IQCH: variants seen among roughly 807,000 people sequenced by gnomAD.
The protein encoded by IQCH is IQ motif containing H, also known as IQ domain-containing protein H.
Under a neutral mutation model 117.0 loss-of-function variants are expected in IQCH, and 98 were observed. That is an observed-to-expected ratio of 0.84 (90% CI 0.71 to 0.99). The LOEUF is 0.99. Ranked by LOEUF, IQCH falls within the 50% of genes least tolerant of loss-of-function variation. The pLI, the probability that IQCH is intolerant of heterozygous loss-of-function variation, is 0.00. For missense variants in IQCH, 1,102 were observed against 1,243.8 expected, an observed-to-expected ratio of 0.89 and a Z score of 1.72; for synonymous variants, 412 against 448.2, an observed-to-expected ratio of 0.92 and a Z score of 1.02.
At chr15:67,307,314 C>A in intron 4 of IQCH, 2 of 314,528 alleles carry the variant, frequency 6.4e-6, no homozygotes, top group Non-Finnish European at 9.2e-6. Flanking sequence ...GTGTTTTCCA[C>A]TAACTTAGTT....
At chr15:67,498,180 G>A (rs2083877046) in intron 20 of IQCH, among the ~76,000 whole-genome samples, 1 of 152,174 alleles carries the variant, frequency 6.6e-6, no homozygotes, top group Admixed American at 6.5e-5. Context: ...GCATAAAATT[G>A]AGTCTGAAAT....
Position 67,403,141 on chromosome 15 carries a change from T to G in IQCH, c.2097+2836T>G, listed in dbSNP as rs1015356453. ...GGTGCATGCCTGTAGTACCAGCTAC[T>G]TGGGAGGCTGAGGCAGGAGAATTGC... is the stretch of plus-strand genomic sequence containing the variant. On this transcript the variant is annotated intron_variant, in intron 14 of 20. Transcript: ENST00000335894. This position sits in a 1 kb window ranked among gnomAD's most constrained non-coding sequence, Gnocchi z 4.8. 6.6e-6 allele frequency among the ~76,000 whole-genome samples: 1 copy of G among 152,002 alleles called. No homozygotes were observed. Among genetic ancestry groups the G allele is most frequent in the African/African-American group, 2.4e-5 (1 of 41,382 alleles).
At chr15:67,389,142 A>G (rs1305847838) in intron 12 of IQCH, 136 bp downstream of exon 12, 5 of 674,050 alleles carry the variant, frequency 7.4e-6, no homozygotes, top group African/African-American at 1.8e-5. Context: ...TTAGACTACT[A>G]GTTGGTCTGT....
rs1206677577 is a variant in IQCH at position 67,474,407 on chromosome 15, C to G, written c.2677-1289C>G. ...CTATGCCCTAAGGTTGGCCATGGCC[C>G]TATATGCAGTTCTCCAAATTTCCAG... On this transcript the variant is annotated intron_variant, in intron 17 of 20. Coordinates refer to ENST00000335894, the MANE Select transcript of IQCH (RefSeq NM_001031715.3). The surrounding 1 kb of genome is among the most constrained non-coding windows in gnomAD (Gnocchi z 4.1). Among the ~76,000 whole-genome samples the G allele has an allele frequency of 2.0e-5, 3 of 152,106 alleles. No homozygotes were observed. Among genetic ancestry groups the G allele is most frequent in the African/African-American group, 7.2e-5 (3 of 41,408 alleles).
chr15:67,300,914 A>G (rs1278423197), intron 4 of IQCH, among the ~76,000 whole-genome samples: 1 of 152,216 alleles, frequency 6.6e-6, no homozygotes, highest in Non-Finnish European at 1.5e-5. Flanking sequence ...CACTGATGAG[A>G]TGAAAATTGA....
In IQCH at chr15:67,404,971, G is replaced by A. The variant is rs1971828807; in HGVS notation, c.2097+4666G>A. The A allele has an allele frequency of 6.6e-6, 1 of 152,122 alleles. No individual in the cohort carries two copies. Among genetic ancestry groups the A allele is most frequent in the Non-Finnish European group, 1.5e-5 (1 of 68,014 alleles). The allele number at this position is 152,122 out of a possible 1,614,324, so 9.4% of individuals were successfully genotyped here. A position where few individuals can be genotyped will look rare whatever the true frequency, so the allele number is the denominator to read the frequency against. The stretch of plus-strand genomic sequence containing the variant: ...GATAGTACCAATTTCCAAAGCAACT[G>A]GCAGAGAATAAGAATACTAGTTTTA... On this transcript the variant is annotated intron_variant, in intron 14 of 20. Coordinates refer to ENST00000335894, the MANE Select transcript of IQCH (RefSeq NM_001031715.3). This position sits in a 1 kb window ranked among gnomAD's most constrained non-coding sequence, Gnocchi z 4.6.
In IQCH at chr15:67,433,420, C is replaced by G. The variant is rs2082059830; in HGVS notation, c.2505+11843C>G. ...CTGTCCTTAAATGTTTGGTTAACCC[C>G]CCTTACACTGTAAACCTTCACACTG... On this transcript the variant is annotated intron_variant, in intron 16 of 20. Transcript: ENST00000335894. The surrounding 1 kb of genome is among the most constrained non-coding windows in gnomAD (Gnocchi z 5.4). Among the ~76,000 whole-genome samples the G allele has an allele frequency of 6.6e-6, 1 of 152,130 alleles. No homozygotes were observed. Among genetic ancestry groups the G allele is most frequent in the African/African-American group, 2.4e-5 (1 of 41,420 alleles).
chr15:67,494,456 TC>T lies in IQCH; in HGVS notation c.2970+91del. 1.2e-6 allele frequency: 1 copy of T among 820,196 alleles called. No individual in the cohort carries two copies. The highest frequency in any genetic ancestry group is 1.9e-6 in the Non-Finnish European group (1 of 516,960). 50.8% of individuals were successfully genotyped at this position (820,196 alleles called of 1,614,324 possible). A position where few individuals can be genotyped will look rare whatever the true frequency, so the allele number is the denominator to read the frequency against. The stretch of plus-strand genomic sequence containing the variant: ...TGTATTGTAAACAAGTGCTAAACCA[TC>T]TTTTTTTTATTGTAAGCAGTACATA... On this transcript the variant is annotated intron_variant, in intron 20 of 20. Coordinates refer to ENST00000335894, the MANE Select transcript of IQCH (RefSeq NM_001031715.3). This position sits in a 1 kb window ranked among gnomAD's most constrained non-coding sequence, Gnocchi z 5.5.
rs867341517 is a variant in IQCH, at chr15:67,480,084, G to A, written c.2799+4266G>A. On this transcript the variant is annotated intron_variant, in intron 18 of 20. Transcript: ENST00000335894. ...CATGTTTACTGCCTGCACCAGTGTGGGGCAGGGCTAGTGTCACACATACAT... is the reference window on the plus strand; with the variant it reads ...CATGTTTACTGCCTGCACCAGTGTGAGGCAGGGCTAGTGTCACACATACAT... 4.6e-5 allele frequency among the ~76,000 whole-genome samples: 7 copies of A among 152,298 alleles called. No homozygotes were observed. In the South Asian group the frequency reaches 8.3e-4, roughly 18 times the overall value.
At position 67,279,378 on chromosome 15, in the gene IQCH, C is replaced by T. The variant is rs1392394221; in HGVS notation, c.270-17C>T. ...AAATAGCAAATTTGATTTTAAATTCCATTTCTTCTTACTTAGGTTACTTCC... is the reference window on the plus strand; with the variant it reads ...AAATAGCAAATTTGATTTTAAATTCTATTTCTTCTTACTTAGGTTACTTCC... On this transcript the variant is annotated splice_polypyrimidine_tract_variant and intron_variant, in intron 3 of 20. Coordinates refer to ENST00000335894, the MANE Select transcript of IQCH (RefSeq NM_001031715.3). The T allele has an allele frequency of 3.0e-6, 4 of 1,318,502 alleles. No homozygotes were observed. The highest frequency in any genetic ancestry group is 2.3e-5 in the East Asian group (1 of 42,556). The allele number at this position is 1,318,502 out of a possible 1,614,324, so 81.7% of individuals were successfully genotyped here.
At chr15:67,452,009 G>A (rs1774166472) in intron 16 of IQCH, among the ~76,000 whole-genome samples, 1 of 152,056 alleles carries the variant, frequency 6.6e-6, no homozygotes, top group African/African-American at 2.4e-5. Flanking sequence ...GATCTTTGTT[G>A]GTTTAAAGTC....
intron 16 of IQCH, among the ~76,000 whole-genome samples, chr15:67,428,535 A>G (rs911999136): frequency 2.6e-5 from 4 of 152,098 alleles, no homozygotes; most frequent in African/African-American, 7.2e-5. Context: ...GGTGGCCCCA[A>G]TATAATCACC....
chr15:67,429,670 G>A (rs2140939075), intron 16 of IQCH, among the ~76,000 whole-genome samples: 1 of 152,324 alleles, frequency 6.6e-6, no homozygotes, highest in South Asian at 2.1e-4. Context: ...AATAAGACAT[G>A]GGAAACAGAA....
chr15:67,354,809 T>C (rs1392248347), intron 6 of IQCH, among the ~76,000 whole-genome samples: 2 of 152,222 alleles, frequency 1.3e-5, no homozygotes, highest in African/African-American at 2.4e-5. Flanking sequence ...TGGTGTTCTT[T>C]CTACTTTACC....
chr15:67,357,147 G>C (rs1262298815), intron 6 of IQCH, among the ~76,000 whole-genome samples, 198 bp from the exon 7 acceptor site: 1 of 152,168 alleles, frequency 6.6e-6, no homozygotes, highest in African/African-American at 2.4e-5. Flanking sequence ...TAATAGAACT[G>C]TTGCCCTCTC....
rs1191834380 is a variant in IQCH at position 67,384,947 on chromosome 15, C to T, written c.1384C>T (p.Pro462Ser). 5.0e-6 allele frequency: 8 copies of T among 1,610,130 alleles called. No homozygotes were observed. In the South Asian group the frequency reaches 8.8e-5, roughly 18 times the overall value. The change falls in exon 11 of 21, where the codon CCT becomes TCT. Residue 462 changes from proline (P) to serine (S), a missense_variant. Pro to Ser is a moderately conservative substitution (Grantham distance 74, BLOSUM62 -1). Coordinates refer to ENST00000335894, the MANE Select transcript of IQCH (RefSeq NM_001031715.3). This position sits in a 1 kb window ranked among gnomAD's most constrained non-coding sequence, Gnocchi z 4.3. ...TGTTTGCCTTTTAGGGTATTCCCAG[C>T]CTGTGAGAGAACATATTGCCGATTT... is the stretch of plus-strand genomic sequence containing the variant. ...IHIPSLGYSQ[P>S]VREHIADFNT...
At chr15:67,380,707 A>G (rs1437812266) in intron 10 of IQCH, among the ~76,000 whole-genome samples, 1 of 152,188 alleles carries the variant, frequency 6.6e-6, no homozygotes, top group Non-Finnish European at 1.5e-5. Context: ...ACTCTTCTTC[A>G]CCTTTCTTCC....
intron 1 of IQCH, among the ~76,000 whole-genome samples, chr15:67,258,939 A>G (rs1764878985): frequency 6.6e-6 from 1 of 152,234 alleles, no homozygotes; most frequent in African/African-American, 2.4e-5. Context: ...AATTATACAA[A>G]CAGATGAGTG....
chr15:67,405,213 A>G lies in IQCH; in HGVS notation c.2097+4908A>G, dbSNP rs1201951189. 1 of 152,146 alleles carries G rather than the reference A, an allele frequency of 6.6e-6. No homozygotes were observed. The highest frequency in any genetic ancestry group is 2.4e-5 in the African/African-American group (1 of 41,448). 9.4% of individuals were successfully genotyped at this position (152,146 alleles called of 1,614,324 possible). ...ATCTAGGTTATTATTTTTTCCAGTC[A>G]TGAAACTACATATAAATGATTATTG... On this transcript the variant is annotated intron_variant, in intron 14 of 20. Coordinates refer to ENST00000335894, the MANE Select transcript of IQCH (RefSeq NM_001031715.3). The surrounding 1 kb of genome is among the most constrained non-coding windows in gnomAD (Gnocchi z 4.8).
Sources: gnomAD v4.1 joint callset for allele counts (sites outside exome capture counted in the v4.1 genomes callset) on GRCh38, gnomAD v4.1.1 for gene constraint, Gnocchi (gnomAD v3.1) non-coding constraint, MANE v1.5 for transcripts, NCBI Gene and HGNC (gene_info 2026-07-23, HGNC 2026-07-21) for gene names.